Variants in STK32B observed in about 807,000 individuals in gnomAD.
STK32B encodes serine/threonine-protein kinase 32B.
Under a neutral mutation model 52.6 loss-of-function variants are expected in STK32B, and 43 were observed. The ratio of observed to expected loss-of-function variants is 0.82; its 90% CI spans 0.64 to 1.05. STK32B has a LOEUF of 1.05. STK32B is among the 50% of genes least tolerant of loss of function. STK32B has a pLI of 0.00. For missense variants in STK32B, 621 were observed against 534.6 expected (o/e 1.16, Z -1.59); for synonymous variants, 238 against 204.3 (o/e 1.17, Z -1.41).
chr4:5,156,084 T>A (rs1304827420), intron 2 of STK32B, among the ~76,000 whole-genome samples: 2 of 151,804 alleles, frequency 1.3e-5, no homozygotes, highest in Non-Finnish European at 2.9e-5. Flanking sequence ...TACACATACA[T>A]GTATATGCAT....
At chr4:5,115,396 T>C (rs1361633252) in intron 1 of STK32B, among the ~76,000 whole-genome samples, 1 of 152,200 alleles carries the variant, frequency 6.6e-6, no homozygotes, top group East Asian at 1.9e-4. Context: ...AAAAACTGCT[T>C]TCCTCCAGCA....
intron 3 of STK32B, among the ~76,000 whole-genome samples, chr4:5,247,813 T>A (rs1725571994): frequency 6.6e-6 from 1 of 152,218 alleles, no homozygotes; most frequent in Admixed American, 6.5e-5. Flanking sequence ...TTTTGCTTTT[T>A]TTGTTTCTTT....
At chr4:5,356,737 C>T (rs572563307) in intron 4 of STK32B, among the ~76,000 whole-genome samples, 2 of 152,170 alleles carry the variant, frequency 1.3e-5, no homozygotes, top group Admixed American at 6.5e-5. Flanking sequence ...TGGCTCACGC[C>T]TGTAATCCCA....
At chr4:5,416,367 C>A (rs1712159591) in intron 5 of STK32B, among the ~76,000 whole-genome samples, 1 of 152,148 alleles carries the variant, frequency 6.6e-6, no homozygotes, top group South Asian at 2.1e-4. Context: ...GTGGTCTCAA[C>A]ACCACAGCCT....
chr4:5,333,939 G>A (rs1490680078), intron 4 of STK32B, among the ~76,000 whole-genome samples: 3 of 152,124 alleles, frequency 2.0e-5, no homozygotes. Context: ...TTTTGGCTTA[G>A]GATTGACTTG....
At chr4:5,186,284 G>A (rs190998180) in intron 3 of STK32B, among the ~76,000 whole-genome samples, 15 of 152,312 alleles carry the variant, frequency 9.8e-5, no homozygotes, top group Non-Finnish European at 1.8e-4. Context: ...GTTATCTGCT[G>A]GGGTGTGTGT....
In STK32B at chr4:5,396,160, C is replaced by G. The variant is rs1736906039; in HGVS notation, c.435-2047C>G. ...AAATTTATTCTCTCATAATTCCGGC[C>G]AGAAGTCCAAAATCAAAGAGGAGTC... On this transcript the variant is annotated intron_variant, in intron 4 of 11. Transcript: ENST00000282908. The surrounding 1 kb of genome is among the most constrained non-coding windows in gnomAD (Gnocchi z 4.7). Among the ~76,000 whole-genome samples, 1 of 152,174 alleles carries G rather than the reference C, an allele frequency of 6.6e-6. No individual in the cohort carries two copies. The highest frequency in any genetic ancestry group is 2.4e-5 in the African/African-American group (1 of 41,428).
the STK32B span, among the ~76,000 whole-genome samples, chr4:5,032,502 GAAGAAA>G: frequency 3.0e-5 from 3 of 100,016 alleles, no homozygotes; most frequent in Admixed American, 9.9e-5. Flanking sequence ...AAAAAAAAAA[GAAGAAA>G]GAGAAAGAAA....
intron 1 of STK32B, among the ~76,000 whole-genome samples, chr4:5,099,540 G>A (rs966662965): frequency 6.6e-6 from 1 of 152,132 alleles, no homozygotes; most frequent in South Asian, 2.1e-4. Flanking sequence ...CAGGAGTTAG[G>A]GGAAGGTCAT....
intron 6 of STK32B, among the ~76,000 whole-genome samples, chr4:5,422,629 G>T (rs1335847290): frequency 6.6e-6 from 1 of 152,186 alleles, no homozygotes; most frequent in African/African-American, 2.4e-5. Context: ...GCAAGGCATT[G>T]ATTCAGTAAA....
chr4:5,043,891 C>T, the STK32B span, among the ~76,000 whole-genome samples: 3 of 152,366 alleles, frequency 2.0e-5, no homozygotes, highest in Non-Finnish European at 2.9e-5. Flanking sequence ...AACACAAGCT[C>T]AGGGCATGTT....
At position 5,467,575 on chromosome 4, in the gene STK32B, A is replaced by G. The variant is rs1434907067; in HGVS notation, c.1042-431A>G. 2.0e-5 allele frequency among the ~76,000 whole-genome samples: 3 copies of G among 152,250 alleles called. No individual in the cohort carries two copies. The highest frequency in any genetic ancestry group is 3.9e-4 in the East Asian group (2 of 5,166). ...TCTATTTCCAAATAACGTCATGTTTATAAGTACTGGGGGGCTGGGACTCAA... is the reference window on the plus strand; with the variant it reads ...TCTATTTCCAAATAACGTCATGTTTGTAAGTACTGGGGGGCTGGGACTCAA... On this transcript the variant is annotated intron_variant, in intron 10 of 11. Transcript: ENST00000282908. This position sits in a 1 kb window ranked among gnomAD's most constrained non-coding sequence, Gnocchi z 5.8.
chr4:5,047,936 C>T (rs910178018), upstream of STK32B, among the ~76,000 whole-genome samples: 4 of 152,110 alleles, frequency 2.6e-5, no homozygotes, highest in East Asian at 1.9e-4. Flanking sequence ...AGTGTCTTTT[C>T]AAGAGACAGA....
intron 1 of STK32B, among the ~76,000 whole-genome samples, chr4:5,093,713 G>GAA (rs36034828): frequency 0.039 from 5,958 of 151,966 alleles, 387 homozygotes; most frequent in African/African-American, 0.14. Flanking sequence ...AAAGTATAAT[G>GAA]AAAAAAAATG....
chr4:5,133,243 T>C (rs766896244), intron 1 of STK32B, among the ~76,000 whole-genome samples: 1 of 152,158 alleles, frequency 6.6e-6, no homozygotes, highest in Non-Finnish European at 1.5e-5. Flanking sequence ...ATATACTCAG[T>C]CATCATTTCA....
chr4:5,235,390 T>G (rs1261480024), intron 3 of STK32B, among the ~76,000 whole-genome samples: 1 of 152,186 alleles, frequency 6.6e-6, no homozygotes, highest in Non-Finnish European at 1.5e-5. Context: ...CACACTGTCC[T>G]CCATTTCCTC....
intron 4 of STK32B, chr4:5,345,385 G>T (rs1164341647): frequency 6.8e-6 from 1 of 146,810 alleles, no homozygotes; most frequent in Non-Finnish European, 1.5e-5. Context: ...CCTCGTTCCT[G>T]TTCCCATGGA....
chr4:5,213,248 A>G (rs1723007018), intron 3 of STK32B, among the ~76,000 whole-genome samples: 1 of 152,056 alleles, frequency 6.6e-6, no homozygotes, highest in African/African-American at 2.4e-5. Flanking sequence ...TACTCCTGCC[A>G]CCAAGCTGCC....
intron 4 of STK32B, among the ~76,000 whole-genome samples, chr4:5,353,165 C>T (rs904203557): frequency 6.6e-6 from 1 of 152,096 alleles, no homozygotes; most frequent in Admixed American, 6.6e-5. Flanking sequence ...AAACAACACC[C>T]TCTTCAATAA....
Sources: allele counts gnomAD v4.1 joint callset (sites outside exome capture counted in the v4.1 genomes callset), GRCh38; gene constraint gnomAD v4.1.1; non-coding constraint Gnocchi (gnomAD v3.1); transcripts MANE v1.5; gene names NCBI Gene and HGNC (gene_info 2026-07-23, HGNC 2026-07-21).